Variants in NAALADL1 observed in about 807,000 individuals in gnomAD.
The protein encoded by NAALADL1 is aminopeptidase NAALADL1.
A neutral mutation model predicts 82.8 loss-of-function variants in NAALADL1; 77 were observed. That is an observed-to-expected ratio of 0.93 (90% CI 0.77 to 1.12). The LOEUF (loss-of-function observed/expected upper bound fraction) is 1.12, where lower values mean the gene tolerates loss of function less well. Ranked by LOEUF, NAALADL1 falls within the 50% of genes most tolerant of loss-of-function variation. The pLI is 0.00. For missense variants in NAALADL1, 956 were observed against 964.0 expected (o/e 0.99, Z 0.11); for synonymous variants, 358 against 399.2 (o/e 0.90, Z 1.23).
At chr11:65,051,372 T>C (rs998605633) in intron 8 of NAALADL1, among the ~76,000 whole-genome samples, 2 of 137,640 alleles carry the variant, frequency 1.5e-5, no homozygotes, top group African/African-American at 2.7e-5. Flanking sequence ...GGTCCTTTTC[T>C]GTTGCCCAGG....
At position 65,053,123 on chromosome 11, in the gene NAALADL1, C is replaced by T. The variant is rs942976430; in HGVS notation, c.1198+95G>A. ...CTGCCCCCAGGGCCCTCAGGCATGG[C>T]ACAAGGAGCACTGCAGTGTGAGGGA... On this transcript the variant is annotated intron_variant, in intron 8 of 17. Coordinates refer to ENST00000358658, the MANE Select transcript of NAALADL1 (RefSeq NM_005468.3). This position sits in a 1 kb window ranked among gnomAD's most constrained non-coding sequence, Gnocchi z 4.3. 23 of 1,427,090 alleles carry T rather than the reference C, an allele frequency of 1.6e-5. No individual in the cohort carries two copies. The African/African-American group carries it at 2.9e-4, about 18-fold the overall frequency. 88.4% of individuals were successfully genotyped at this position (1,427,090 alleles called of 1,614,324 possible).
chr11:65,051,532 G>A (rs1946889336), intron 8 of NAALADL1, among the ~76,000 whole-genome samples: 1 of 151,424 alleles, frequency 6.6e-6, no homozygotes, highest in African/African-American at 2.4e-5. Context: ...GTAAAGACAA[G>A]GTCTCACAAG....
upstream of NAALADL1, among the ~76,000 whole-genome samples, chr11:65,060,854 A>G (rs1298502404): frequency 2.6e-5 from 4 of 151,946 alleles, no homozygotes; most frequent in Non-Finnish European, 5.9e-5. Flanking sequence ...AACACCTTTC[A>G]TTTTCCTGCC....
intron 11 of NAALADL1, 51 bp from the exon 12 acceptor site, chr11:65,047,789 C>A (rs1038739157): frequency 1.7e-5 from 27 of 1,543,610 alleles, no homozygotes; most frequent in Non-Finnish European, 2.3e-5. Flanking sequence ...CCAGCCCCAA[C>A]AACAGGGCGG....
At position 65,053,713 on chromosome 11, in the gene NAALADL1, G is replaced by A. The variant is rs980907856; in HGVS notation, c.993-137C>T. 3 of 753,822 alleles carry A rather than the reference G, an allele frequency of 4.0e-6. No individual in the cohort carries two copies. Among genetic ancestry groups the A allele is most frequent in the Non-Finnish European group, 6.4e-6 (3 of 468,898 alleles). 46.7% of individuals were successfully genotyped at this position (753,822 alleles called of 1,614,324 possible). A position where few individuals can be genotyped will look rare whatever the true frequency, so the allele number is the denominator to read the frequency against. On this transcript the variant is annotated intron_variant, in intron 6 of 17. Coordinates refer to ENST00000358658, the MANE Select transcript of NAALADL1 (RefSeq NM_005468.3). This position sits in a 1 kb window ranked among gnomAD's most constrained non-coding sequence, Gnocchi z 4.3. Reference sequence around the variant, plus strand: ...TGGCCCCGAAGTACCAAGAGAGGCAGCAAGGCTGGAGCCAGGCTCTCCTGC... The same window carrying A: ...TGGCCCCGAAGTACCAAGAGAGGCAACAAGGCTGGAGCCAGGCTCTCCTGC...
chr11:65,051,733 C>T (rs1036935563), intron 8 of NAALADL1, among the ~76,000 whole-genome samples: 18 of 151,944 alleles, frequency 1.2e-4, no homozygotes, highest in African/African-American at 3.4e-4. Flanking sequence ...GAGTGGGTAT[C>T]GGTTCAAATG....
rs764758920 is a variant in NAALADL1 at position 65,048,348 on chromosome 11, G to A, written c.1236C>T (p.Ser412=). 6.2e-7 allele frequency: 1 copy of A among 1,614,176 alleles called. No individual in the cohort carries two copies. The highest frequency in any genetic ancestry group is 1.1e-5 in the South Asian group (1 of 91,086). Residue 412 remains serine (S), a synonymous_variant, in exon 9 of 18, where the codon AGC becomes AGT. Transcript: ENST00000358658. The part of the protein sequence containing the change: ...WRPRRSIVFA[S]WGAEEFGLIG... ...TGAGCCCAAACTCCTCAGCCCCCCA[G>A]CTCGCAAACACGATTGATCTGCGAG...
intron 13 of NAALADL1, among the ~76,000 whole-genome samples, chr11:65,046,803 C>A (rs1946742532): frequency 6.6e-6 from 1 of 152,262 alleles, no homozygotes; most frequent in Non-Finnish European, 1.5e-5. Context: ...AGATTCAAAT[C>A]CCAGCTCTAC....
At chr11:65,052,812 G>A (rs894232636) in intron 8 of NAALADL1, among the ~76,000 whole-genome samples, 1 of 152,148 alleles carries the variant, frequency 6.6e-6, no homozygotes, top group South Asian at 2.1e-4. Flanking sequence ...GCACTGAAAC[G>A]CTGAAGTGCT....
Position 65,045,693 on chromosome 11 carries a change from A to G in NAALADL1, c.2036+129T>C. 1.5e-5 allele frequency: 15 copies of G among 1,006,480 alleles called. 1 individual carries two copies. In the South Asian group the frequency reaches 2.4e-4, roughly 16 times the overall value. 62.3% of individuals were successfully genotyped at this position (1,006,480 alleles called of 1,614,324 possible). ...AACTTTCCTCCCCTCCCTGAGCCTT[A>G]CATTCCCATCTTCTTCAGGGGCTGG... On this transcript the variant is annotated intron_variant, in intron 17 of 17. Transcript: ENST00000358658.
chr11:65,050,718 G>C (rs922328474), intron 8 of NAALADL1, among the ~76,000 whole-genome samples: 10 of 151,518 alleles, frequency 6.6e-5, no homozygotes, highest in Non-Finnish European at 1.2e-4. Flanking sequence ...TGAACCTGGA[G>C]GGCAGAGGTT....
chr11:65,056,451 G>C (rs1428329386), intron 4 of NAALADL1, among the ~76,000 whole-genome samples: 5 of 152,112 alleles, frequency 3.3e-5, no homozygotes, highest in African/African-American at 1.2e-4. Context: ...CCAGGCTGGA[G>C]TGCAGTGGCA....
chr11:65,058,664 G>A (rs1189972477), upstream of NAALADL1: 15 of 765,046 alleles, frequency 2.0e-5, no homozygotes, highest in South Asian at 2.1e-4. Flanking sequence ...GGAACATCCC[G>A]CAGTGAGAGC....
intron 8 of NAALADL1, among the ~76,000 whole-genome samples, chr11:65,049,906 T>C (rs1946839839): frequency 6.6e-6 from 1 of 151,352 alleles, no homozygotes; most frequent in African/African-American, 2.4e-5. Flanking sequence ...AGATGGAGTC[T>C]CACTCTCATC....
chr11:65,049,765 C>T (rs752808162), intron 8 of NAALADL1, among the ~76,000 whole-genome samples: 4 of 152,148 alleles, frequency 2.6e-5, no homozygotes, highest in Non-Finnish European at 5.9e-5. Flanking sequence ...CCCAGCTAAT[C>T]AGGAAGCTGA....
chr11:65,057,164 C>T (rs1173070529), intron 4 of NAALADL1, among the ~76,000 whole-genome samples: 1 of 152,230 alleles, frequency 6.6e-6, no homozygotes, highest in African/African-American at 2.4e-5. Flanking sequence ...TTATTTCCTA[C>T]AGCTCAGAGA....
Position 65,046,312 on chromosome 11 carries a change from G to A in NAALADL1, c.1732C>T (p.Arg578Trp), listed in dbSNP as rs201741811. 1,681 of 1,614,172 alleles carry A rather than the reference G, an allele frequency of 1.0e-3. No individual in the cohort carries two copies. Among genetic ancestry groups the A allele is most frequent in the Non-Finnish European group, 1.3e-3 (1,568 of 1,180,034 alleles). Residue 578 changes from arginine (R) to tryptophan (W), a missense_variant, in exon 15 of 18, where the codon CGG (arginine) becomes TGG (tryptophan). Physicochemically the swap from Arg to Trp is moderately radical, Grantham distance 101. Transcript: ENST00000358658. ...GGCAGGAAGAAGCTGTCACTGAGCC[G>A]GAGAATCACACTCCCCGCTGTCCGG... ...VARTAGSVIL[R>W]LSDSFFLPLK...
At position 65,058,334 on chromosome 11, in the gene NAALADL1, C is replaced by T. The variant is rs771773893; in HGVS notation, c.185+3G>A. On this transcript the variant is annotated splice_donor_region_variant and intron_variant, in intron 1 of 17. Transcript: ENST00000358658. Reference sequence around the variant, plus strand: ...CGGAGGAGCAGATGGCCCCACTTCTCACCTGAGGTTCTCCCGGATCCTGTG... The same window carrying T: ...CGGAGGAGCAGATGGCCCCACTTCTTACCTGAGGTTCTCCCGGATCCTGTG... The T allele has an allele frequency of 6.2e-7, 1 of 1,614,136 alleles. No individual in the cohort carries two copies. Among genetic ancestry groups the T allele is most frequent in the South Asian group, 1.1e-5 (1 of 91,086 alleles).
upstream of NAALADL1, among the ~76,000 whole-genome samples, chr11:65,060,637 AGAGT>A (rs1346646244): frequency 6.6e-6 from 1 of 152,098 alleles, no homozygotes; most frequent in Non-Finnish European, 1.5e-5. Context: ...TTTGTGTTGG[AGAGT>A]GTGTAAACAG....
Sources: gnomAD v4.1 joint callset for allele counts (sites outside exome capture counted in the v4.1 genomes callset) on GRCh38, gnomAD v4.1.1 for gene constraint, Gnocchi (gnomAD v3.1) non-coding constraint, MANE v1.5 for transcripts, NCBI Gene and HGNC (gene_info 2026-07-23, HGNC 2026-07-21) for gene names.